LUC7L3: variants seen among roughly 807,000 people sequenced by gnomAD.
LUC7L3 encodes the protein luc7-like protein 3.
A neutral mutation model predicts 66.8 loss-of-function variants in LUC7L3; 6 were observed. The ratio of observed to expected loss-of-function variants is 0.09; its 90% CI spans 0.05 to 0.18. LUC7L3 has a LOEUF of 0.18. LUC7L3 is among the 10% of genes least tolerant of loss of function. LUC7L3 has a pLI of 1.00. For synonymous variants in LUC7L3, 160 were observed against 174.7 expected, an observed-to-expected ratio of 0.92 and a Z score of 0.66; for missense variants, 341 against 531.1, an observed-to-expected ratio of 0.64 and a Z score of 3.52.
chr17:50,721,458 C>T (rs1968759747), intron 1 of LUC7L3, among the ~76,000 whole-genome samples: 1 of 152,146 alleles, frequency 6.6e-6, no homozygotes, highest in Non-Finnish European at 1.5e-5. Context: ...CCGTAATCTG[C>T]TTTGCTTTCA....
intron 1 of LUC7L3, among the ~76,000 whole-genome samples, chr17:50,733,558 C>T (rs1350399450): frequency 1.3e-5 from 2 of 152,016 alleles, no homozygotes; most frequent in Non-Finnish European, 2.9e-5. Flanking sequence ...GCCGCTACCA[C>T]GCCTGGCTAA....
At chr17:50,750,459 T>C (rs1327677771) in intron 9 of LUC7L3, 42 bp from the exon 10 acceptor site, 1 of 1,561,510 alleles carries the variant, frequency 6.4e-7, no homozygotes, top group East Asian at 2.2e-5. Context: ...CTTTATTGTA[T>C]TTTACTTTAA....
intron 1 of LUC7L3, chr17:50,724,252 G>A (rs1188168427): frequency 1.1e-5 from 2 of 186,652 alleles, no homozygotes; most frequent in Admixed American, 1.2e-4. Flanking sequence ...GACCGGGCAT[G>A]GTGGGTCACC....
At chr17:50,743,832 T>G (rs1970500738) in intron 6 of LUC7L3, 22 bp downstream of exon 6, 2 of 1,508,982 alleles carry the variant, frequency 1.3e-6, no homozygotes, top group African/African-American at 2.8e-5. Context: ...TTATTTCACA[T>G]TATCTCATCT....
chr17:50,746,952 A>G (rs1970704606), intron 9 of LUC7L3, among the ~76,000 whole-genome samples: 1 of 152,078 alleles, frequency 6.6e-6, no homozygotes, highest in African/African-American at 2.4e-5. Flanking sequence ...TTTTTAATGT[A>G]GCTTCTTTTA....
In LUC7L3 at chr17:50,750,889, C is replaced by T. The variant is rs770247967; in HGVS notation, c.*228C>T. ...TGTCTCAGCTATTTTGTAGCAGACT[C>T]GTGCCCCCATTAGTGTGCCTCTTTG... On this transcript the variant is annotated 3_prime_UTR_variant, in exon 10 of 10. Transcript: ENST00000505658. 61 of 1,536,176 alleles carry T rather than the reference C, an allele frequency of 4.0e-5. No homozygotes were observed. Among genetic ancestry groups the T allele is most frequent in the African/African-American group, 5.5e-5 (4 of 73,134 alleles).
Position 50,751,293 on chromosome 17 carries a change from A to G in LUC7L3, c.*632A>G. 7.6e-7 allele frequency: 1 copy of G among 1,321,114 alleles called. No homozygotes were observed. The highest frequency in any genetic ancestry group is 9.9e-7 in the Non-Finnish European group (1 of 1,010,072). 81.8% of individuals were successfully genotyped at this position (1,321,114 alleles called of 1,614,324 possible). A position where few individuals can be genotyped will look rare whatever the true frequency, so the allele number is the denominator to read the frequency against. On this transcript the variant is annotated 3_prime_UTR_variant, in exon 10 of 10. Coordinates refer to ENST00000505658, the MANE Select transcript of LUC7L3 (RefSeq NM_016424.5). ...ATTGCAGCTGACTACCATACCTCAC[A>G]CAGCGTTGGTGTTGTGAGCGGCCCA...
At chr17:50,740,464 T>G in intron 3 of LUC7L3, 119 bp downstream of exon 3, 2 of 896,432 alleles carry the variant, frequency 2.2e-6, no homozygotes, top group East Asian at 2.6e-5. Context: ...GTCCAGTCAG[T>G]GGCTGGGGAT....
chr17:50,733,715 A>C (rs1969794365), intron 1 of LUC7L3, among the ~76,000 whole-genome samples: 1 of 152,108 alleles, frequency 6.6e-6, no homozygotes, highest in Admixed American at 6.6e-5. Context: ...AAGACTTTTC[A>C]TGTGTGTGAG....
Position 50,740,952 on chromosome 17 carries a change from G to A in LUC7L3, c.207-150G>A, listed in dbSNP as rs147806416. 62 of 742,714 alleles carry A rather than the reference G, an allele frequency of 8.3e-5. No individual in the cohort carries two copies. In the Middle Eastern group the frequency reaches 1.2e-3, roughly 14 times the overall value. 46.0% of individuals were successfully genotyped at this position (742,714 alleles called of 1,614,324 possible). On this transcript the variant is annotated intron_variant, in intron 3 of 9. Transcript: ENST00000505658. ...GTTAAACCCCTGTGTAAAGCTCTAT[G>A]ATGAGGGGCAATCAGAAAGTCACTT...
At chr17:50,743,889 A>G in intron 6 of LUC7L3, 79 bp downstream of exon 6, 1 of 1,046,812 alleles carries the variant, frequency 9.6e-7, no homozygotes, top group Non-Finnish European at 1.4e-6. Context: ...AGAACCTTTG[A>G]AAACTGATGT....
Position 50,754,111 on chromosome 17 carries a change from A to T in LUC7L3, c.*3450A>T, listed in dbSNP as rs1212765306. The T allele has an allele frequency of 6.6e-6, 1 of 152,220 alleles. No individual in the cohort carries two copies. The highest frequency in any genetic ancestry group is 2.4e-5 in the African/African-American group (1 of 41,460). 9.4% of individuals were successfully genotyped at this position (152,220 alleles called of 1,614,324 possible). A position where few individuals can be genotyped will look rare whatever the true frequency, so the allele number is the denominator to read the frequency against. On this transcript the variant is annotated 3_prime_UTR_variant, in exon 10 of 10. Coordinates refer to ENST00000505658, the MANE Select transcript of LUC7L3 (RefSeq NM_016424.5). ...ACTAGAAGAAACAAACATTTCTGCC[A>T]TGCAGACCAAAAAGTTATTAGTTGG...
chr17:50,753,281 A>G lies in LUC7L3; in HGVS notation c.*2620A>G, dbSNP rs28475492. The G allele has an allele frequency of 4.6e-4, 71 of 152,772 alleles. No individual in the cohort carries two copies. Among genetic ancestry groups the G allele is most frequent in the African/African-American group, 1.6e-3 (67 of 41,580 alleles). The allele number at this position is 152,772 out of a possible 1,614,324, so 9.5% of individuals were successfully genotyped here. On this transcript the variant is annotated 3_prime_UTR_variant, in exon 10 of 10. Coordinates refer to ENST00000505658, the MANE Select transcript of LUC7L3 (RefSeq NM_016424.5). ...TGGTTTATAACTTGCAAATACTGCT[A>G]TCAGTTTATAGGTAAAGAAACAGTG... is the stretch of plus-strand genomic sequence containing the variant.
In LUC7L3 at chr17:50,743,821, C is replaced by G. The variant is rs978249538; in HGVS notation, c.531+11C>G. On this transcript the variant is annotated intron_variant, in intron 6 of 9. Transcript: ENST00000505658. The stretch of plus-strand genomic sequence containing the variant: ...AGGTCCACAACGTCGGTGAGTAAAC[C>G]TTATTTCACATTATCTCATCTGTCT... 1 of 1,566,808 alleles carries G rather than the reference C, an allele frequency of 6.4e-7. No individual in the cohort carries two copies. The highest frequency in any genetic ancestry group is 8.8e-7 in the Non-Finnish European group (1 of 1,140,448).
Position 50,751,653 on chromosome 17 carries a change from A to G in LUC7L3, c.*992A>G, listed in dbSNP as rs193046592. On this transcript the variant is annotated 3_prime_UTR_variant, in exon 10 of 10. Coordinates refer to ENST00000505658, the MANE Select transcript of LUC7L3 (RefSeq NM_016424.5). ...TACACTCAATGCAATTCTCAAGTCTATAAGAGGTATGTGCTTAATATTTCC... is the reference window on the plus strand; with the variant it reads ...TACACTCAATGCAATTCTCAAGTCTGTAAGAGGTATGTGCTTAATATTTCC... 6.6e-3 allele frequency: 7,374 copies of G among 1,109,174 alleles called. 42 individuals are homozygous for G. Among genetic ancestry groups the G allele is most frequent in the Non-Finnish European group, 7.6e-3 (6,818 of 900,234 alleles). 68.7% of individuals were successfully genotyped at this position (1,109,174 alleles called of 1,614,324 possible). A position where few individuals can be genotyped will look rare whatever the true frequency, so the allele number is the denominator to read the frequency against.
chr17:50,740,261 G>T (rs2146748130), intron 2 of LUC7L3, 45 bp from the exon 3 acceptor site: 1 of 1,379,692 alleles, frequency 7.2e-7, no homozygotes, highest in Non-Finnish European at 1.0e-6. Flanking sequence ...AGAAAAGGTT[G>T]CTAATAATCA....
chr17:50,725,682 A>C lies in LUC7L3; in HGVS notation c.99+5851A>C, dbSNP rs558342348. ...GTTTTTTCAATAAATATATTGGAAC[A>C]TTTTTTGGAGATTTGCAACAATTTG... On this transcript the variant is annotated intron_variant, in intron 1 of 9. Coordinates refer to ENST00000505658, the MANE Select transcript of LUC7L3 (RefSeq NM_016424.5). 3.3e-5 allele frequency among the ~76,000 whole-genome samples: 5 copies of C among 152,300 alleles called. No homozygotes were observed. The South Asian group carries it at 8.3e-4, about 25-fold the overall frequency.
intron 1 of LUC7L3, among the ~76,000 whole-genome samples, chr17:50,725,990 AC>A (rs1438862453): frequency 6.6e-6 from 1 of 152,234 alleles, no homozygotes; most frequent in Non-Finnish European, 1.5e-5. Flanking sequence ...TGTTGCTATT[AC>A]AGTGAGCTCA....
In LUC7L3 at chr17:50,751,511, C is replaced by T; in HGVS notation, c.*850C>T. The stretch of plus-strand genomic sequence containing the variant: ...GTGTATTGCGTGAAAACTTATAAAA[C>T]AAATGTTAACAGAATGGAATTTTTT... On this transcript the variant is annotated 3_prime_UTR_variant, in exon 10 of 10. Coordinates refer to ENST00000505658, the MANE Select transcript of LUC7L3 (RefSeq NM_016424.5). The T allele has an allele frequency of 8.5e-7, 1 of 1,178,254 alleles. No individual in the cohort carries two copies. Among genetic ancestry groups the T allele is most frequent in the Non-Finnish European group, 1.1e-6 (1 of 935,540 alleles). 73.0% of individuals were successfully genotyped at this position (1,178,254 alleles called of 1,614,324 possible). A position where few individuals can be genotyped will look rare whatever the true frequency, so the allele number is the denominator to read the frequency against.
Sources: gnomAD v4.1 joint callset for allele counts (sites outside exome capture counted in the v4.1 genomes callset) on GRCh38, gnomAD v4.1.1 for gene constraint, MANE v1.5 for transcripts, NCBI Gene and HGNC (gene_info 2026-07-23, HGNC 2026-07-21) for gene names.